ARHGAP45: variants seen among roughly 807,000 people sequenced by gnomAD.
The protein encoded by ARHGAP45 is Rho GTPase activating protein 45.
A neutral mutation model predicts 116.1 loss-of-function variants in ARHGAP45; 56 were observed. The observed-to-expected ratio is 0.48, with a 90% CI of 0.39 to 0.60. The LOEUF (loss-of-function observed/expected upper bound fraction) is 0.60. Ranked by LOEUF, ARHGAP45 falls within the 20% of genes least tolerant of loss-of-function variation. The pLI is 0.00. For missense variants in ARHGAP45, 1,622 were observed against 1,601.0 expected, an observed-to-expected ratio of 1.01 and a Z score of -0.22; for synonymous variants, 866 against 701.7, an observed-to-expected ratio of 1.23 and a Z score of -3.70.
chr19:1,075,094 ACCCAGGAG>A (rs1363334489), intron 10 of ARHGAP45, among the ~76,000 whole-genome samples: 3 of 151,458 alleles, frequency 2.0e-5, no homozygotes, highest in Non-Finnish European at 4.4e-5. Flanking sequence ...GCCTGGAAGG[ACCCAGGAG>A]CCCGGCGCTC....
Position 1,085,909 on chromosome 19 carries a change from CCAA to C in ARHGAP45, c.3319_3321del (p.Asn1107del). Reference sequence around the variant, plus strand: ...CTCTCAGGATTCAACACCAACCAGTCCAACAACGTGCTGCAGGCCCCACTGCCC... The same window carrying C: ...CTCTCAGGATTCAACACCAACCAGTCCAACGTGCTGCAGGCCCCACTGCCC... On this transcript the variant is annotated inframe_deletion, in exon 23 of 23. Coordinates refer to ENST00000313093, the MANE Select transcript of ARHGAP45 (RefSeq NM_012292.5). 12 of 1,612,934 alleles carry C rather than the reference CCAA, an allele frequency of 7.4e-6. No homozygotes were observed. The highest frequency in any genetic ancestry group is 9.3e-6 in the Non-Finnish European group (11 of 1,179,962).
chr19:1,081,001 C>A lies in ARHGAP45; in HGVS notation c.2127C>A (p.Arg709=). 1 of 1,608,098 alleles carries A rather than the reference C, an allele frequency of 6.2e-7. No individual in the cohort carries two copies. Among genetic ancestry groups the A allele is most frequent in the Non-Finnish European group, 8.5e-7 (1 of 1,178,232 alleles). The change falls in exon 17 of 23, where the codon CGC becomes CGA. Residue 709 remains arginine, a synonymous_variant. Transcript: ENST00000313093. ...AARTHRLRKL[R]TPAKCRECNS... is the part of the protein sequence containing the mutation. ...GTACTCACCGGCTCCGGAAGCTCCGCACGCCCGCCAAGTGCCGCGAGTGCA... is the reference window on the plus strand; with the variant it reads ...GTACTCACCGGCTCCGGAAGCTCCGAACGCCCGCCAAGTGCCGCGAGTGCA...
intron 10 of ARHGAP45, among the ~76,000 whole-genome samples, chr19:1,075,236 C>CTTT (rs551827897): frequency 0.55 from 71,969 of 130,820 alleles, 20,968 homozygotes; most frequent in Admixed American, 0.66. Flanking sequence ...TGCATGTATT[C>CTTT]TTTTTTTTTT....
rs760275967 is a variant in ARHGAP45 at position 1,073,598 on chromosome 19, C to G, written c.650+8C>G. 1.9e-6 allele frequency: 3 copies of G among 1,613,634 alleles called. No individual in the cohort carries two copies. The highest frequency in any genetic ancestry group is 2.5e-6 in the Non-Finnish European group (3 of 1,179,768). ...TGTGGCCTTCAGTAGCACGTGAGCA[C>G]GGGAGCCTGTGGGGCAGGGCAAGGG... On this transcript the variant is annotated splice_region_variant and intron_variant, in intron 4 of 22. Coordinates refer to ENST00000313093, the MANE Select transcript of ARHGAP45 (RefSeq NM_012292.5).
At chr19:1,084,677 C>T (rs574480739) in intron 22 of ARHGAP45, among the ~76,000 whole-genome samples, 7 of 152,142 alleles carry the variant, frequency 4.6e-5, no homozygotes, top group African/African-American at 7.2e-5. Flanking sequence ...TAGAGAAGGG[C>T]GTGGGGCTGG....
intron 2 of ARHGAP45, 134 bp from the exon 3 acceptor site, chr19:1,073,015 C>T (rs564983089): frequency 4.6e-6 from 5 of 1,085,258 alleles, no homozygotes; most frequent in African/African-American, 1.6e-5. Flanking sequence ...GAAATGAGCC[C>T]CAGGCATCTG....
rs1199405303 is a variant in ARHGAP45, at chr19:1,080,560, C to T, written c.1912+13C>T. The T allele has an allele frequency of 1.4e-5, 22 of 1,612,178 alleles. No homozygotes were observed. The highest frequency in any genetic ancestry group is 1.8e-5 in the Non-Finnish European group (21 of 1,179,530). ...GGCCCTGGCGCAGGTGAGGGAGGCT[C>T]TCTGGCGGGCTGGGGTGTGGAGCTG... On this transcript the variant is annotated intron_variant, in intron 15 of 22. Coordinates refer to ENST00000313093, the MANE Select transcript of ARHGAP45 (RefSeq NM_012292.5).
At chr19:1,076,919 G>A in intron 10 of ARHGAP45, 2 of 539,752 alleles carry the variant, frequency 3.7e-6, no homozygotes, top group Non-Finnish European at 4.7e-6. Flanking sequence ...TGTAGAGATG[G>A]GGTCTCACTA....
At chr19:1,078,386 G>A (rs538913909) in intron 11 of ARHGAP45, among the ~76,000 whole-genome samples, 24 of 151,566 alleles carry the variant, frequency 1.6e-4, no homozygotes, top group East Asian at 5.9e-4. Context: ...CTCGTGATCC[G>A]TCCACCTCGG....
At position 1,074,195 on chromosome 19, in the gene ARHGAP45, G is replaced by A; in HGVS notation, c.882G>A (p.Lys294=). The change falls in exon 7 of 23, where the codon AAG becomes AAA. Residue 294 remains lysine, a synonymous_variant. Coordinates refer to ENST00000313093, the MANE Select transcript of ARHGAP45 (RefSeq NM_012292.5). The part of the protein sequence containing the change: ...AALLYAKNMA[K]YMKDLISYLE... ...TGCTGTATGCCAAGAACATGGCCAA[G>A]TACATGAAGGACCTCATCAGCTACC... 2 of 1,613,506 alleles carry A rather than the reference G, an allele frequency of 1.2e-6. No individual in the cohort carries two copies. The highest frequency in any genetic ancestry group is 1.7e-6 in the Non-Finnish European group (2 of 1,180,018).
rs1167826240 is a variant in ARHGAP45 at position 1,085,848 on chromosome 19, G to A, written c.3253G>A (p.Asp1085Asn). ...EEQLEATARE[D>N]GDGDEDGPAQ... ...GCAGCTGGAGGCCACAGCCCGGGAG[G>A]ACGGGGACGGGGACGAGGACGGCCC... is the stretch of plus-strand genomic sequence containing the variant. The change falls in exon 23 of 23, where the codon GAC becomes AAC. Residue 1085 changes from aspartate to asparagine, a missense_variant. This residue lies in a region of ARHGAP45 where 1,334 missense variants were observed against 1,263.8 expected (regional missense o/e 1.06). Coordinates refer to ENST00000313093, the MANE Select transcript of ARHGAP45 (RefSeq NM_012292.5). The A allele has an allele frequency of 1.2e-6, 2 of 1,612,084 alleles. No homozygotes were observed. The highest frequency in any genetic ancestry group is 1.1e-5 in the South Asian group (1 of 91,038).
At chr19:1,083,770 C>A (rs1009077097) in intron 21 of ARHGAP45, among the ~76,000 whole-genome samples, 1 of 152,148 alleles carries the variant, frequency 6.6e-6, no homozygotes, top group African/African-American at 2.4e-5. Flanking sequence ...GTTGTAGTTT[C>A]GCTCCTGCTG....
chr19:1,075,597 G>A (rs928865765), intron 10 of ARHGAP45, among the ~76,000 whole-genome samples: 2 of 151,666 alleles, frequency 1.3e-5, no homozygotes, highest in Non-Finnish European at 2.9e-5. Flanking sequence ...TTTCAAAGAC[G>A]CCGGCGCCTT....
rs981410062 is a variant in ARHGAP45 at position 1,081,790 on chromosome 19, G to T, written c.2380-34G>T. On this transcript the variant is annotated intron_variant, in intron 18 of 22. Transcript: ENST00000313093. ...AGCGAGGAGGCGGGAGTGGGCCGAG[G>T]CTGATGGGCCTCCCCACCCCCGGGC... 9 of 1,585,832 alleles carry T rather than the reference G, an allele frequency of 5.7e-6. No homozygotes were observed. In the African/African-American group the frequency reaches 1.1e-4, roughly 19 times the overall value.
At chr19:1,070,974 CA>C (rs1219444316) in intron 2 of ARHGAP45, among the ~76,000 whole-genome samples, 1 of 152,198 alleles carries the variant, frequency 6.6e-6, no homozygotes, top group African/African-American at 2.4e-5. Context: ...GTCCACCCCA[CA>C]GCTTGGGGAC....
Position 1,085,662 on chromosome 19 carries a change from T to G in ARHGAP45, c.3067T>G (p.Ser1023Ala). 6.4e-7 allele frequency: 1 copy of G among 1,555,198 alleles called. No individual in the cohort carries two copies. Among genetic ancestry groups the G allele is most frequent in the Non-Finnish European group, 8.7e-7 (1 of 1,146,376 alleles). ...QEAAADGCRESRVVSNDSDSD... is the reference protein window; with the variant it reads ...QEAAADGCREARVVSNDSDSD... Reference sequence around the variant, plus strand: ...CGCCATCTGTCTCCCTTTCTTAGAATCCCGAGTTGTGTCCAACGATTCGGA... The same window carrying G: ...CGCCATCTGTCTCCCTTTCTTAGAAGCCCGAGTTGTGTCCAACGATTCGGA... Residue 1023 changes from serine (S) to alanine (A), a missense_variant and splice_region_variant, in exon 23 of 23, where the codon TCC becomes GCC. By Grantham distance (99) the Ser-to-Ala change is moderately conservative. Coordinates refer to ENST00000313093, the MANE Select transcript of ARHGAP45 (RefSeq NM_012292.5).
In ARHGAP45 at chr19:1,080,775, C is replaced by T; in HGVS notation, c.2006C>T (p.Ala669Val). The change falls in exon 16 of 23, where the codon GCC (alanine) becomes GTC (valine). Residue 669 changes from alanine to valine, a missense_variant. Coordinates refer to ENST00000313093, the MANE Select transcript of ARHGAP45 (RefSeq NM_012292.5). ...VDPDGGAGAS[A>V]FEQADLNGMT... ...CCAGACGGTGGAGCCGGGGCTTCAG[C>T]CTTTGAGCAGGGTGAGGGTCCCCTG... 1 of 1,613,322 alleles carries T rather than the reference C, an allele frequency of 6.2e-7. No individual in the cohort carries two copies. Among genetic ancestry groups the T allele is most frequent in the Non-Finnish European group, 8.5e-7 (1 of 1,179,914 alleles).
At chr19:1,082,811 A>G in intron 19 of ARHGAP45, 29 bp from the exon 20 acceptor site, 10 of 1,461,538 alleles carry the variant, frequency 6.8e-6, no homozygotes, top group Non-Finnish European at 9.0e-6. Flanking sequence ...CAGGCCCACC[A>G]ACACCTGCTG....
At chr19:1,078,601 G>A (rs2043335417) in intron 11 of ARHGAP45, among the ~76,000 whole-genome samples, 1 of 149,928 alleles carries the variant, frequency 6.7e-6, no homozygotes, top group Non-Finnish European at 1.5e-5. Flanking sequence ...AGTAGACACA[G>A]AGTTTCACCA....
Sources: allele counts gnomAD v4.1 joint callset (sites outside exome capture counted in the v4.1 genomes callset), GRCh38; gene constraint gnomAD v4.1.1; regional missense constraint gnomAD v4.1.1; transcripts MANE v1.5; gene names NCBI Gene and HGNC (gene_info 2026-07-23, HGNC 2026-07-21).